The following ARMH3 variants were observed in gnomAD, a reference collection of about 807,000 sequenced individuals.
The protein encoded by ARMH3 is armadillo like helical domain containing 3, also known as armadillo-like helical domain-containing protein 3.
A neutral mutation model predicts 99.1 loss-of-function variants in ARMH3; 60 were observed. That is an observed-to-expected ratio of 0.61 (90% CI 0.49 to 0.75). ARMH3 has a LOEUF of 0.75. Among genes scored for constraint, ARMH3 ranks in the 30% least tolerant of loss-of-function variants. ARMH3 has a pLI of 0.00. For synonymous variants in ARMH3, 285 were observed against 292.8 expected (o/e 0.97, Z 0.27); for missense variants, 679 against 843.1 (o/e 0.81, Z 2.41).
chr10:101,929,303 GGCTA>G (rs1843628140), intron 23 of ARMH3, among the ~76,000 whole-genome samples: 1 of 152,144 alleles, frequency 6.6e-6, no homozygotes, highest in East Asian at 1.9e-4. Context: ...AATAGCTGTG[GGCTA>G]TTAGCTCACC....
At chr10:101,847,733 T>C (rs761563547) in intron 25 of ARMH3, 113 bp from the exon 26 acceptor site, 24 of 934,654 alleles carry the variant, frequency 2.6e-5, no homozygotes, top group Non-Finnish European at 3.6e-5. Flanking sequence ...TAGAAGTCTC[T>C]CTCTTAGGAA....
At chr10:101,852,126 A>C (rs2066618096) in intron 24 of ARMH3, among the ~76,000 whole-genome samples, 1 of 152,242 alleles carries the variant, frequency 6.6e-6, no homozygotes, top group African/African-American at 2.4e-5. Context: ...GCAATGCTTA[A>C]GACCCAGCAA....
At chr10:102,046,272 G>A (rs1201557996) in intron 1 of ARMH3, among the ~76,000 whole-genome samples, 1 of 147,164 alleles carries the variant, frequency 6.8e-6, no homozygotes, top group African/African-American at 2.5e-5. Context: ...GAGAAAAAGA[G>A]AGAAAGAGAG....
At chr10:101,896,981 A>G (rs1193977953) in intron 23 of ARMH3, among the ~76,000 whole-genome samples, 1 of 152,212 alleles carries the variant, frequency 6.6e-6, no homozygotes, top group Non-Finnish European at 1.5e-5. Flanking sequence ...AAGGATGTCA[A>G]CTTTTGGCTG....
At chr10:101,925,406 T>C (rs1048051653) in intron 23 of ARMH3, among the ~76,000 whole-genome samples, 4 of 152,322 alleles carry the variant, frequency 2.6e-5, no homozygotes, top group Non-Finnish European at 5.9e-5. Flanking sequence ...AGGACAATCA[T>C]AGTATGTCAG....
At chr10:102,017,211 C>A (rs190296921) in intron 8 of ARMH3, among the ~76,000 whole-genome samples, 5 of 152,316 alleles carry the variant, frequency 3.3e-5, no homozygotes, top group Admixed American at 3.3e-4. Flanking sequence ...GAATTCTTCA[C>A]GTTCTTGTCA....
chr10:101,916,859 G>A (rs1454915646), intron 23 of ARMH3, among the ~76,000 whole-genome samples: 1 of 152,146 alleles, frequency 6.6e-6, no homozygotes, highest in South Asian at 2.1e-4. Context: ...CTTTTCTTGA[G>A]CTGGGACGTC....
chr10:102,006,580 G>C lies in ARMH3; in HGVS notation c.1008C>G (p.Thr336=), dbSNP rs1275741667. Residue 336 remains threonine, a synonymous_variant, in exon 14 of 26, where the codon ACC becomes ACG. Coordinates refer to ENST00000370033, the MANE Select transcript of ARMH3 (RefSeq NM_024541.3). ...VTTPVSPAPT[T]PVTPLGTTPP... ...GTGTGGTCCCAAGTGGTGTGACTGG[G>C]GTTGTAGGAGCAGGACTGACAGGGG... 3 of 1,613,942 alleles carry C rather than the reference G, an allele frequency of 1.9e-6. No individual in the cohort carries two copies. Among genetic ancestry groups the C allele is most frequent in the African/African-American group, 2.7e-5 (2 of 74,922 alleles).
chr10:102,029,063 C>T (rs61873637), intron 5 of ARMH3, among the ~76,000 whole-genome samples: 1,708 of 152,096 alleles, frequency 0.011, 17 homozygotes, highest in Middle Eastern at 0.034. Flanking sequence ...TTTGTGGAGA[C>T]GAGGTTTTGC....
chr10:101,883,854 A>G (rs907915684), intron 24 of ARMH3, among the ~76,000 whole-genome samples: 1 of 152,020 alleles, frequency 6.6e-6, no homozygotes, highest in Non-Finnish European at 1.5e-5. Flanking sequence ...TTAGCCAGGC[A>G]TGGTGGCATG....
intron 22 of ARMH3, among the ~76,000 whole-genome samples, chr10:101,950,951 T>C (rs750674527): frequency 7.2e-5 from 11 of 152,148 alleles, no homozygotes; most frequent in Non-Finnish European, 1.0e-4. Context: ...ATAAGGTAGG[T>C]GAATTATATC....
At chr10:101,850,010 G>T in intron 24 of ARMH3, 118 bp from the exon 25 acceptor site, 1 of 765,664 alleles carries the variant, frequency 1.3e-6, no homozygotes, top group Non-Finnish European at 2.1e-6. Context: ...AAGAAACCTT[G>T]CTTATTACTT....
At chr10:101,851,459 A>T (rs756467100) in intron 24 of ARMH3, among the ~76,000 whole-genome samples, 5 of 151,944 alleles carry the variant, frequency 3.3e-5, no homozygotes, top group Admixed American at 6.6e-5. Context: ...CTCAGTAGGG[A>T]GCTTGGAGGA....
At chr10:102,035,088 T>C (rs1590215675) in intron 2 of ARMH3, among the ~76,000 whole-genome samples, 1 of 151,250 alleles carries the variant, frequency 6.6e-6, no homozygotes, top group African/African-American at 2.4e-5. Flanking sequence ...AATACAAAAA[T>C]AGCTGGGCAC....
intron 19 of ARMH3, among the ~76,000 whole-genome samples, chr10:101,981,783 T>TA (rs933672843): frequency 1.6e-4 from 23 of 148,300 alleles, no homozygotes; most frequent in Non-Finnish European, 2.8e-4. Context: ...CTTTGGGAGG[T>TA]AGAGGCGGGT....
chr10:101,896,954 A>C (rs192909763), intron 23 of ARMH3, among the ~76,000 whole-genome samples: 4 of 152,304 alleles, frequency 2.6e-5, no homozygotes, highest in African/African-American at 9.6e-5. Context: ...CTTAAGTCAA[A>C]AGTTCTGCAT....
intron 20 of ARMH3, among the ~76,000 whole-genome samples, chr10:101,962,970 CTTT>C (rs11358645): frequency 9.1e-5 from 12 of 131,746 alleles, no homozygotes; most frequent in Non-Finnish European, 9.6e-5. Flanking sequence ...GTCTTTTTTT[CTTT>C]TTTTTTTTTT....
At chr10:101,925,473 T>C (rs1030494474) in intron 23 of ARMH3, among the ~76,000 whole-genome samples, 4 of 152,200 alleles carry the variant, frequency 2.6e-5, no homozygotes, top group Admixed American at 1.3e-4. Context: ...TGTTCAGCAG[T>C]AGTACACATG....
intron 15 of ARMH3, among the ~76,000 whole-genome samples, chr10:102,000,762 C>A (rs371381663): frequency 6.6e-5 from 10 of 151,262 alleles, no homozygotes; most frequent in Admixed American, 5.9e-4. Flanking sequence ...AGACTGAGAC[C>A]CTGCCTTCAA....
Sources: gnomAD v4.1 joint callset for allele counts (sites outside exome capture counted in the v4.1 genomes callset) on GRCh38, gnomAD v4.1.1 for gene constraint, MANE v1.5 for transcripts, NCBI Gene and HGNC (gene_info 2026-07-23, HGNC 2026-07-21) for gene names.